The following R3HDM1 variants were observed in gnomAD, a reference collection of about 807,000 sequenced individuals.
R3HDM1 encodes the protein R3H domain containing 1.
R3HDM1 carries 46 observed loss-of-function variants against 141.1 expected under a neutral mutation model. The observed-to-expected ratio is 0.33, with a 90% CI of 0.26 to 0.42. R3HDM1 has a LOEUF of 0.42. R3HDM1 is among the 10% of genes least tolerant of loss of function. The pLI is 1.00. For synonymous variants in R3HDM1, 435 were observed against 472.9 expected, an observed-to-expected ratio of 0.92 and a Z score of 1.04; for missense variants, 1,184 against 1,368.3, an observed-to-expected ratio of 0.87 and a Z score of 2.12.
chr2:135,667,089 G>T (rs1001490338), intron 19 of R3HDM1: 10 of 904,984 alleles, frequency 1.1e-5, no homozygotes, highest in Non-Finnish European at 1.3e-5. Flanking sequence ...GTGTTATTAA[G>T]AATGCTTTCC....
chr2:135,608,545 T>C (rs1050503867), intron 3 of R3HDM1, among the ~76,000 whole-genome samples: 4 of 152,154 alleles, frequency 2.6e-5, no homozygotes, highest in African/African-American at 9.7e-5. Flanking sequence ...AAAACAAAGT[T>C]AACTGTTTTA....
chr2:135,638,635 G>A lies in R3HDM1; in HGVS notation c.921G>A (p.Glu307=), dbSNP rs1443182554. 6.2e-7 allele frequency: 1 copy of A among 1,610,124 alleles called. No individual in the cohort carries two copies. Among genetic ancestry groups the A allele is most frequent in the South Asian group, 1.1e-5 (1 of 90,966 alleles). ...TTTTCTAGTCCCTGTGTTCCCAAGA[G>A]AATTACATTATTGACAAAAGGTGAG... ...IFSQDSLCSQ[E]NYIIDKRLQD... The change falls in exon 12 of 27, where the codon GAG becomes GAA. Residue 307 remains glutamate, a synonymous_variant. Coordinates refer to ENST00000683871, the MANE Select transcript of R3HDM1 (RefSeq NM_001378107.1).
chr2:135,644,258 T>G (rs2064130267), intron 15 of R3HDM1, among the ~76,000 whole-genome samples: 1 of 152,222 alleles, frequency 6.6e-6, no homozygotes, highest in Non-Finnish European at 1.5e-5. Flanking sequence ...ATCCCAGCAC[T>G]TTAGGAGACC....
intron 1 of R3HDM1, among the ~76,000 whole-genome samples, chr2:135,579,404 TTAGCA>T (rs1020465909): frequency 6.6e-6 from 1 of 152,090 alleles, no homozygotes; most frequent in Non-Finnish European, 1.5e-5. Flanking sequence ...GGAATTCCAA[TTAGCA>T]TAGATGAAAA....
At chr2:135,677,313 C>A (rs1345592672) in intron 20 of R3HDM1, among the ~76,000 whole-genome samples, 1 of 152,126 alleles carries the variant, frequency 6.6e-6, no homozygotes, top group African/African-American at 2.4e-5. Flanking sequence ...CTCTCACATC[C>A]CCCATGCTTC....
chr2:135,546,134 G>T (rs373258319), intron 1 of R3HDM1, among the ~76,000 whole-genome samples: 1 of 152,202 alleles, frequency 6.6e-6, no homozygotes, highest in African/African-American at 2.4e-5. Flanking sequence ...TGACAAGAGC[G>T]CATTCCTAAG....
rs750091086 is a variant in R3HDM1 at position 135,724,339 on chromosome 2, C to T, written c.*47C>T. On this transcript the variant is annotated 3_prime_UTR_variant, in exon 27 of 27. Coordinates refer to ENST00000683871, the MANE Select transcript of R3HDM1 (RefSeq NM_001378107.1). ...CCTTTATGGTTCCCCTGCCCTCTCCCATCTTTGATTGGCTTGGTATTTGGA... is the reference window on the plus strand; with the variant it reads ...CCTTTATGGTTCCCCTGCCCTCTCCTATCTTTGATTGGCTTGGTATTTGGA... The T allele has an allele frequency of 1.4e-5, 19 of 1,381,908 alleles. No homozygotes were observed. Among genetic ancestry groups the T allele is most frequent in the Non-Finnish European group, 1.9e-5 (19 of 1,004,674 alleles). 85.6% of individuals were successfully genotyped at this position (1,381,908 alleles called of 1,614,324 possible).
At chr2:135,538,446 AAAATT>A (rs1378698027) in intron 1 of R3HDM1, among the ~76,000 whole-genome samples, 2 of 152,226 alleles carry the variant, frequency 1.3e-5, no homozygotes, top group African/African-American at 4.8e-5. Context: ...TTCTATCTAA[AAAATT>A]AACTTGTTTG....
In R3HDM1 at chr2:135,628,117, T is replaced by C. The variant is rs547200469; in HGVS notation, c.498-3601T>C. Among the ~76,000 whole-genome samples, 16 of 152,310 alleles carry C rather than the reference T, an allele frequency of 1.1e-4. No homozygotes were observed. The East Asian group carries it at 2.5e-3, about 24-fold the overall frequency. On this transcript the variant is annotated intron_variant, in intron 7 of 26. Transcript: ENST00000683871. ...TCACCTGCTAAAAGATCAATATACC[T>C]TGAGAAAAGTAGTTTACCTGTTAGT...
chr2:135,546,574 G>A (rs1187092047), intron 1 of R3HDM1, among the ~76,000 whole-genome samples: 1 of 152,132 alleles, frequency 6.6e-6, no homozygotes, highest in East Asian at 1.9e-4. Flanking sequence ...ATTACATATT[G>A]TTGCTGACTA....
intron 20 of R3HDM1, among the ~76,000 whole-genome samples, chr2:135,678,131 A>G (rs572585388): frequency 1.4e-4 from 21 of 151,946 alleles, no homozygotes; most frequent in African/African-American, 4.3e-4. Flanking sequence ...CGCCTGGCTA[A>G]TTTTTGTATT....
intron 1 of R3HDM1, among the ~76,000 whole-genome samples, chr2:135,582,929 T>A (rs959578816): frequency 2.6e-5 from 4 of 152,188 alleles, no homozygotes; most frequent in African/African-American, 7.2e-5. Context: ...GGAGGCCTAC[T>A]GGAAAGGGTT....
At chr2:135,613,028 T>G (rs957881736) in intron 3 of R3HDM1, among the ~76,000 whole-genome samples, 3 of 152,220 alleles carry the variant, frequency 2.0e-5, no homozygotes, top group Non-Finnish European at 4.4e-5. Context: ...TATGGTTTAC[T>G]TATATAGTAG....
intron 21 of R3HDM1, among the ~76,000 whole-genome samples, chr2:135,687,317 C>T (rs2071526575): frequency 6.6e-6 from 1 of 152,156 alleles, no homozygotes; most frequent in African/African-American, 2.4e-5. Flanking sequence ...TTCTTTTATG[C>T]AAGATGAATG....
chr2:135,575,661 A>G (rs1435165794), intron 1 of R3HDM1, among the ~76,000 whole-genome samples: 3 of 152,224 alleles, frequency 2.0e-5, no homozygotes, highest in African/African-American at 7.2e-5. Context: ...GTCAGTCACA[A>G]TGGTAGAGAA....
chr2:135,684,123 C>A (rs1263576635), intron 21 of R3HDM1, among the ~76,000 whole-genome samples: 2 of 152,124 alleles, frequency 1.3e-5, no homozygotes, highest in African/African-American at 2.4e-5. Context: ...CAGAGTCTCA[C>A]TCTGTCGCCC....
intron 1 of R3HDM1, among the ~76,000 whole-genome samples, chr2:135,555,286 A>C (rs1700530321): frequency 6.8e-6 from 1 of 146,100 alleles, no homozygotes. Context: ...ACAGAGCAAG[A>C]CTCTTGTCTC....
chr2:135,611,768 G>A (rs2060572532), intron 3 of R3HDM1, among the ~76,000 whole-genome samples: 1 of 152,016 alleles, frequency 6.6e-6, no homozygotes, highest in South Asian at 2.1e-4. Context: ...TACTGAACTT[G>A]GGTCATATGC....
intron 19 of R3HDM1, among the ~76,000 whole-genome samples, chr2:135,670,786 C>T (rs565032475): frequency 1.3e-5 from 2 of 152,054 alleles, no homozygotes; most frequent in African/African-American, 4.8e-5. Flanking sequence ...GGCCAGGTGC[C>T]GTGGCACACC....
Sources: allele counts gnomAD v4.1 joint callset (sites outside exome capture counted in the v4.1 genomes callset), GRCh38; gene constraint gnomAD v4.1.1; transcripts MANE v1.5; gene names NCBI Gene and HGNC (gene_info 2026-07-23, HGNC 2026-07-21).